Variants in FBLN1 observed in about 807,000 individuals in gnomAD.
The protein encoded by FBLN1 is fibulin-1.
Under a neutral mutation model 89.7 loss-of-function variants are expected in FBLN1, and 34 were observed. The observed-to-expected ratio is 0.38, with a 90% CI of 0.29 to 0.50. The LOEUF (loss-of-function observed/expected upper bound fraction) is 0.50. Among genes scored for constraint, FBLN1 ranks in the 20% least tolerant of loss-of-function variants. FBLN1 has a pLI of 0.92. For synonymous variants in FBLN1, 393 were observed against 391.3 expected (o/e 1.00, Z -0.05); for missense variants, 777 against 988.1 (o/e 0.79, Z 2.86).
intron 14 of FBLN1, among the ~76,000 whole-genome samples, chr22:45,564,672 T>C (rs8141840): frequency 0.014 from 2,138 of 152,360 alleles, 54 homozygotes; most frequent in African/African-American, 0.05. Flanking sequence ...TGACTCGCGT[T>C]TCACATTTGT....
chr22:45,592,963 C>T (rs1296060653), intron 16 of FBLN1, among the ~76,000 whole-genome samples: 3 of 152,184 alleles, frequency 2.0e-5, no homozygotes, highest in Non-Finnish European at 4.4e-5. Flanking sequence ...TTTGACAGCC[C>T]TGCACACTCC....
rs892143081 is a variant in FBLN1, at chr22:45,588,576, T to C, written c.1972+11468T>C. ...CCAGCCCCCAGCAGTTGCCCATAACTGGCCGCAGGATCCCACACACCTGCT... is the reference window on the plus strand; with the variant it reads ...CCAGCCCCCAGCAGTTGCCCATAACCGGCCGCAGGATCCCACACACCTGCT... On this transcript the variant is annotated intron_variant, in intron 16 of 16. Coordinates refer to ENST00000327858, the MANE Select transcript of FBLN1 (RefSeq NM_006486.3). The surrounding 1 kb of genome is among the most constrained non-coding windows in gnomAD (Gnocchi z 5.1). Among the ~76,000 whole-genome samples the C allele has an allele frequency of 2.0e-5, 3 of 152,072 alleles. No individual in the cohort carries two copies. The highest frequency in any genetic ancestry group is 7.2e-5 in the African/African-American group (3 of 41,408).
intron 1 of FBLN1, among the ~76,000 whole-genome samples, chr22:45,509,078 C>T (rs1208768331): frequency 2.0e-5 from 3 of 152,162 alleles, no homozygotes; most frequent in African/African-American, 4.8e-5. Context: ...GGAGAGCAAG[C>T]GTCCTGGGAC....
intron 1 of FBLN1, among the ~76,000 whole-genome samples, chr22:45,508,985 T>G (rs1281773822): frequency 6.6e-6 from 1 of 152,144 alleles, no homozygotes; most frequent in East Asian, 1.9e-4. Context: ...TATGTGCATA[T>G]GTGTGTGCAT....
intron 16 of FBLN1, among the ~76,000 whole-genome samples, chr22:45,592,726 G>C (rs1424549438): frequency 6.6e-6 from 1 of 152,194 alleles, no homozygotes; most frequent in African/African-American, 2.4e-5. Context: ...ACTGAGGCCT[G>C]GTGATGGTTT....
Position 45,579,595 on chromosome 22 carries a change from C to G in FBLN1, c.1972+2487C>G, listed in dbSNP as rs2089026414. ...TGTGCTGGGGAGGCCCCTGCCTCTT[C>G]CACGCCTCGGTCTGTGTGCAGGATG... On this transcript the variant is annotated intron_variant, in intron 16 of 16. Transcript: ENST00000327858. This position sits in a 1 kb window ranked among gnomAD's most constrained non-coding sequence, Gnocchi z 5.5. Among the ~76,000 whole-genome samples, 1 of 152,212 alleles carries G rather than the reference C, an allele frequency of 6.6e-6. No individual in the cohort carries two copies. Among genetic ancestry groups the G allele is most frequent in the Non-Finnish European group, 1.5e-5 (1 of 68,032 alleles).
intron 1 of FBLN1, among the ~76,000 whole-genome samples, chr22:45,516,148 G>A (rs1245241602): frequency 6.6e-6 from 1 of 152,198 alleles, no homozygotes; most frequent in East Asian, 1.9e-4. Context: ...GACAGGGCAT[G>A]GGAGGTGGGC....
chr22:45,547,112 G>A lies in FBLN1; in HGVS notation c.1349G>A (p.Cys450Tyr). Residue 450 changes from cysteine to tyrosine, a missense_variant, in exon 12 of 17, where the codon TGT (cysteine) becomes TAT (tyrosine). Physicochemically the swap from Cys to Tyr is radical, Grantham distance 194. Coordinates refer to ENST00000327858, the MANE Select transcript of FBLN1 (RefSeq NM_006486.3). ...EDINECSSSP[C>Y]SQECANVYGS... Reference sequence around the variant, plus strand: ...ATCAATGAGTGCAGCAGCAGCCCCTGTAGCCAGGAGTGTGCCAACGTCTAC... The same window carrying A: ...ATCAATGAGTGCAGCAGCAGCCCCTATAGCCAGGAGTGTGCCAACGTCTAC... The A allele has an allele frequency of 6.2e-7, 1 of 1,614,156 alleles. No individual in the cohort carries two copies. The highest frequency in any genetic ancestry group is 8.5e-7 in the Non-Finnish European group (1 of 1,180,038).
chr22:45,563,313 C>G lies in FBLN1; in HGVS notation c.1698-11198C>G. The stretch of plus-strand genomic sequence containing the variant: ...GTCTCCCTCCTGTTGCTTTCCTAAC[C>G]CTGCCCTCCGGGGCGTTAATAAAGT... On this transcript the variant is annotated intron_variant, in intron 14 of 16. Coordinates refer to ENST00000327858, the MANE Select transcript of FBLN1 (RefSeq NM_006486.3). This position sits in a 1 kb window ranked among gnomAD's most constrained non-coding sequence, Gnocchi z 5.7. 1 of 1,612,178 alleles carries G rather than the reference C, an allele frequency of 6.2e-7. No individual in the cohort carries two copies. Among genetic ancestry groups the G allele is most frequent in the Non-Finnish European group, 8.5e-7 (1 of 1,179,916 alleles).
At chr22:45,551,770 A>G (rs771418388) in intron 14 of FBLN1, among the ~76,000 whole-genome samples, 7 of 152,230 alleles carry the variant, frequency 4.6e-5, no homozygotes, top group African/African-American at 1.7e-4. Flanking sequence ...AGCCATTAAG[A>G]AAGTTCGATG....
chr22:45,600,316 G>T lies in FBLN1; in HGVS notation c.1982G>T (p.Arg661Leu). ...YMDGMTVGVV[R>L]QVRPIVGPFH... is the part of the protein sequence containing the mutation. ...TCTGCTCTCTCCGCAGGTGTCGTGCGCCAGGTGCGGCCCATCGTGGGCCCA... is the reference window on the plus strand; with the variant it reads ...TCTGCTCTCTCCGCAGGTGTCGTGCTCCAGGTGCGGCCCATCGTGGGCCCA... Residue 661 changes from arginine to leucine, a missense_variant, in exon 17 of 17, where the codon CGC (arginine) becomes CTC (leucine). Physicochemically the swap from Arg to Leu is moderately radical, Grantham distance 102. Transcript: ENST00000327858. The T allele has an allele frequency of 1.2e-6, 2 of 1,614,160 alleles. No individual in the cohort carries two copies. Among genetic ancestry groups the T allele is most frequent in the Non-Finnish European group, 8.5e-7 (1 of 1,180,032 alleles).
intron 2 of FBLN1, among the ~76,000 whole-genome samples, chr22:45,521,513 G>A (rs868301120): frequency 6.6e-6 from 1 of 152,210 alleles, no homozygotes; most frequent in East Asian, 1.9e-4. Context: ...CTGCCCTGTG[G>A]CCCCAGGTGC....
Position 45,531,307 on chromosome 22 carries a change from T to G in FBLN1, c.527T>G (p.Leu176Arg). 1 of 1,614,006 alleles carries G rather than the reference T, an allele frequency of 6.2e-7. No individual in the cohort carries two copies. The highest frequency in any genetic ancestry group is 1.3e-5 in the African/African-American group (1 of 75,032). Reference sequence around the variant, plus strand: ...GAGGAGGAACAAGAGGACCCATATCTGAATGACCGCTGCCGAGGTGAGACT... The same window carrying G: ...GAGGAGGAACAAGAGGACCCATATCGGAATGACCGCTGCCGAGGTGAGACT... ...EVEEEQEDPYLNDRCRGGGPC... is the reference protein window; with the variant it reads ...EVEEEQEDPYRNDRCRGGGPC... The change falls in exon 5 of 17, where the codon CTG (leucine) becomes CGG (arginine). Residue 176 changes from leucine (L) to arginine (R), a missense_variant. By Grantham distance (102) the Leu-to-Arg change is moderately radical. Coordinates refer to ENST00000327858, the MANE Select transcript of FBLN1 (RefSeq NM_006486.3). The surrounding 1 kb of genome is among the most constrained non-coding windows in gnomAD (Gnocchi z 4.9).
rs150270544 is a variant in FBLN1 at position 45,562,943 on chromosome 22, C to T, written c.1698-11568C>T. The stretch of plus-strand genomic sequence containing the variant: ...TGAGCGCTTGCCTTGCCATGAGAAT[C>T]GGGAGTGCTCCAAGCTGCCTCTGAG... On this transcript the variant is annotated intron_variant, in intron 14 of 16. Transcript: ENST00000327858. This position sits in a 1 kb window ranked among gnomAD's most constrained non-coding sequence, Gnocchi z 7.8. The T allele has an allele frequency of 1.1e-3, 1,841 of 1,614,058 alleles. 8 individuals are homozygous for T. Among genetic ancestry groups the T allele is most frequent in the South Asian group, 4.6e-3 (423 of 91,082 alleles).
At chr22:45,519,485 G>T (rs566649377) in intron 2 of FBLN1, among the ~76,000 whole-genome samples, 9 of 151,950 alleles carry the variant, frequency 5.9e-5, no homozygotes, top group African/African-American at 1.9e-4. Flanking sequence ...TTAGCTGGGC[G>T]TGGTGGCATG....
At chr22:45,547,347 G>A (rs985972627) in intron 12 of FBLN1, 143 bp downstream of exon 12, 1 of 1,012,066 alleles carries the variant, frequency 9.9e-7, no homozygotes, top group Non-Finnish European at 1.5e-6. Flanking sequence ...TCCACCCTTG[G>A]AGGCAAGCGG....
In FBLN1 at chr22:45,536,273, G is replaced by A. The variant is rs772102937; in HGVS notation, c.922+936G>A. Among the ~76,000 whole-genome samples, 4 of 152,336 alleles carry A rather than the reference G, an allele frequency of 2.6e-5. No individual in the cohort carries two copies. Among genetic ancestry groups the A allele is most frequent in the Middle Eastern group, 3.4e-3 (1 of 294 alleles). On this transcript the variant is annotated intron_variant, in intron 8 of 16. Coordinates refer to ENST00000327858, the MANE Select transcript of FBLN1 (RefSeq NM_006486.3). The surrounding 1 kb of genome is among the most constrained non-coding windows in gnomAD (Gnocchi z 5.1). The stretch of plus-strand genomic sequence containing the variant: ...GGAAGGTGCCGGGGCTGGGCAGGGT[G>A]GGGGATGGGGAGTGAGTGTTTCCTG...
At chr22:45,573,680 C>CAAAAAAAAAAAA (rs60082908) in intron 14 of FBLN1, among the ~76,000 whole-genome samples, 4 of 58,962 alleles carry the variant, frequency 6.8e-5, no homozygotes, top group African/African-American at 3.1e-4. Context: ...GACTCTGTCT[C>CAAAAAAAAAAAA]AAAAAAAAAA....
intron 14 of FBLN1, among the ~76,000 whole-genome samples, chr22:45,573,020 A>C (rs1424355014): frequency 2.6e-5 from 4 of 152,064 alleles, no homozygotes; most frequent in Non-Finnish European, 5.9e-5. Context: ...TGAGGTCAGG[A>C]GTTCAAGACC....
Sources: allele counts gnomAD v4.1 joint callset (sites outside exome capture counted in the v4.1 genomes callset), GRCh38; gene constraint gnomAD v4.1.1; non-coding constraint Gnocchi (gnomAD v3.1); transcripts MANE v1.5; gene names NCBI Gene and HGNC (gene_info 2026-07-23, HGNC 2026-07-21).